KCNN2: variants seen among roughly 807,000 people sequenced by gnomAD.
KCNN2 encodes the protein potassium calcium-activated channel subfamily N member 2.
Under a neutral mutation model 55.5 loss-of-function variants are expected in KCNN2, and 24 were observed. That is an observed-to-expected ratio of 0.43 (90% CI 0.31 to 0.61). KCNN2 has a LOEUF of 0.61. Ranked by LOEUF, KCNN2 falls within the 20% of genes least tolerant of loss-of-function variation. The probability of loss-of-function intolerance (pLI) is 0.08; values close to 1 mark genes in which losing one functional copy is unlikely to be tolerated. For missense variants in KCNN2, 754 were observed against 853.6 expected (o/e 0.88, Z 1.45); for synonymous variants, 431 against 336.1 (o/e 1.28, Z -3.09).
chr5:114,303,297 T>A (rs1326366585), intron 2 of KCNN2, among the ~76,000 whole-genome samples: 1 of 152,248 alleles, frequency 6.6e-6, no homozygotes, highest in African/African-American at 2.4e-5. Flanking sequence ...AATTTTTAGA[T>A]GAGAAATGCT....
chr5:114,423,053 T>A (rs1759516262), intron 3 of KCNN2, among the ~76,000 whole-genome samples: 1 of 152,178 alleles, frequency 6.6e-6, no homozygotes, highest in Admixed American at 6.5e-5. Flanking sequence ...TAATGCATTG[T>A]CTGTTAAGCA....
At chr5:114,414,356 T>C (rs1324630263) in intron 3 of KCNN2, among the ~76,000 whole-genome samples, 2 of 152,190 alleles carry the variant, frequency 1.3e-5, no homozygotes, top group African/African-American at 4.8e-5. Context: ...ATTTTAGTAT[T>C]GTATCCCCAA....
chr5:114,067,021 C>T (rs1268397346), intron 1 of KCNN2, among the ~76,000 whole-genome samples: 2 of 152,196 alleles, frequency 1.3e-5, no homozygotes, highest in Non-Finnish European at 2.9e-5. Flanking sequence ...ATTCAAACAA[C>T]TTCAGCTGCC....
At chr5:114,477,607 T>C (rs1320218521) in intron 5 of KCNN2, among the ~76,000 whole-genome samples, 3 of 152,202 alleles carry the variant, frequency 2.0e-5, no homozygotes, top group African/African-American at 7.2e-5. Flanking sequence ...GGACCAGCTA[T>C]TTAATAGATT....
intron 4 of KCNN2, among the ~76,000 whole-genome samples, chr5:114,466,085 C>T (rs1687689516): frequency 6.6e-6 from 1 of 152,038 alleles, no homozygotes. Context: ...GGAATTAAAG[C>T]TTAAGAGACC....
intron 1 of KCNN2, among the ~76,000 whole-genome samples, chr5:114,144,036 C>T (rs1253431469): frequency 6.6e-6 from 1 of 152,174 alleles, no homozygotes; most frequent in African/African-American, 2.4e-5. Flanking sequence ...GTCAGATATA[C>T]TGTCTAAAAC....
At chr5:114,092,539 G>T (rs1561471867) in intron 1 of KCNN2, among the ~76,000 whole-genome samples, 1 of 152,144 alleles carries the variant, frequency 6.6e-6, no homozygotes, top group Admixed American at 6.5e-5. Context: ...GCCCCTGTGG[G>T]GACTTTCTGT....
At chr5:114,393,823 A>T (rs180826780) in intron 2 of KCNN2, among the ~76,000 whole-genome samples, 8 of 151,914 alleles carry the variant, frequency 5.3e-5, no homozygotes, top group Non-Finnish European at 1.0e-4. Flanking sequence ...TCTCTTTTTA[A>T]TAGCATATAA....
At chr5:114,415,572 CTT>C (rs973584673) in intron 3 of KCNN2, among the ~76,000 whole-genome samples, 3 of 152,202 alleles carry the variant, frequency 2.0e-5, no homozygotes, top group African/African-American at 4.8e-5. Context: ...TATTTATAGT[CTT>C]ATAACCATTC....
intron 2 of KCNN2, among the ~76,000 whole-genome samples, chr5:114,260,719 A>C (rs775302024): frequency 1.1e-4 from 16 of 152,222 alleles, no homozygotes; most frequent in Non-Finnish European, 2.2e-4. Context: ...CAATTTAGGG[A>C]TATCCCTTTG....
At chr5:114,491,525 T>TA (rs1319058840) in intron 6 of KCNN2, among the ~76,000 whole-genome samples, 19 of 54,260 alleles carry the variant, frequency 3.5e-4, no homozygotes, top group Admixed American at 1.1e-3. Flanking sequence ...TTTTTTTTTT[T>TA]AAAAAAAGAA....
chr5:114,257,920 A>G (rs1351266450), intron 2 of KCNN2, among the ~76,000 whole-genome samples: 1 of 152,128 alleles, frequency 6.6e-6, no homozygotes, highest in Non-Finnish European at 1.5e-5. Flanking sequence ...GCTTTATTCC[A>G]ATTCTTATGG....
At chr5:114,430,190 G>A (rs1334950030) in intron 3 of KCNN2, among the ~76,000 whole-genome samples, 1 of 152,012 alleles carries the variant, frequency 6.6e-6, no homozygotes, top group African/African-American at 2.4e-5. Context: ...GGTTGGGATT[G>A]CACTGAATCT....
At chr5:114,292,894 A>G (rs1342079363) in intron 2 of KCNN2, among the ~76,000 whole-genome samples, 1 of 152,162 alleles carries the variant, frequency 6.6e-6, no homozygotes, top group African/African-American at 2.4e-5. Context: ...TTCTCCTTGA[A>G]GAGGTCCTTC....
chr5:114,060,647 C>T (rs1750306939), intron 1 of KCNN2, among the ~76,000 whole-genome samples: 1 of 152,216 alleles, frequency 6.6e-6, no homozygotes, highest in Admixed American at 6.5e-5. Context: ...TCCATTCTGG[C>T]TCTACCATAT....
At chr5:114,058,493 CAG>C (rs1305173696) in intron 1 of KCNN2, among the ~76,000 whole-genome samples, 20 of 152,236 alleles carry the variant, frequency 1.3e-4, no homozygotes, top group Non-Finnish European at 2.5e-4. Context: ...CAAAGTATGA[CAG>C]GGCATGCTTG....
chr5:114,194,075 T>C (rs185576393), intron 1 of KCNN2, among the ~76,000 whole-genome samples: 470 of 152,224 alleles, frequency 3.1e-3, no homozygotes, highest in Middle Eastern at 6.8e-3. Flanking sequence ...CATCTGTTGA[T>C]AGTCACTTAG....
chr5:114,356,852 C>T (rs560787264), intron 2 of KCNN2, among the ~76,000 whole-genome samples: 8 of 152,060 alleles, frequency 5.3e-5, no homozygotes, highest in African/African-American at 1.4e-4. Context: ...GTTTTTAGGG[C>T]CTTTTAATTG....
intron 1 of KCNN2, among the ~76,000 whole-genome samples, chr5:114,187,502 C>T (rs998702551): frequency 2.8e-4 from 34 of 120,870 alleles, no homozygotes; most frequent in African/African-American, 9.2e-4. Flanking sequence ...GATGGTATCT[C>T]TGGCTTTTTT....
Sources: gnomAD v4.1 joint callset for allele counts (sites outside exome capture counted in the v4.1 genomes callset) on GRCh38, gnomAD v4.1.1 for gene constraint, MANE v1.5 for transcripts, NCBI Gene and HGNC (gene_info 2026-07-23, HGNC 2026-07-21) for gene names.